LRRIQ1: variants seen among roughly 807,000 people sequenced by gnomAD.
LRRIQ1 encodes leucine-rich repeat- and IQ domain-containing protein 1.
In LRRIQ1, 210 loss-of-function variants were observed where a neutral mutation model predicts 211.9. That is an observed-to-expected ratio of 0.99 (90% CI 0.89 to 1.11). LRRIQ1 has a LOEUF of 1.11. Among genes scored for constraint, LRRIQ1 ranks in the 50% most tolerant of loss-of-function variants. The pLI is 0.00. For synonymous variants in LRRIQ1, 699 were observed against 650.1 expected (o/e 1.08, Z -1.14); for missense variants, 2,136 against 1,939.5 (o/e 1.10, Z -1.90).
intron 19 of LRRIQ1, among the ~76,000 whole-genome samples, chr12:85,141,247 A>G (rs956870229): frequency 6.6e-6 from 1 of 151,360 alleles, no homozygotes; most frequent in Non-Finnish European, 1.5e-5. Flanking sequence ...GTATATTGTT[A>G]TTAAAAATCT....
intron 18 of LRRIQ1, among the ~76,000 whole-genome samples, chr12:85,135,313 AG>A (rs1889046165): frequency 6.6e-6 from 1 of 150,676 alleles, no homozygotes. Flanking sequence ...GTTCTGATTC[AG>A]GTTTTTTTTT....
chr12:85,061,370 A>G (rs879458863), intron 8 of LRRIQ1, among the ~76,000 whole-genome samples: 1 of 151,746 alleles, frequency 6.6e-6, no homozygotes, highest in African/African-American at 2.4e-5. Flanking sequence ...GTAGGGGACT[A>G]TATTGCTATA....
chr12:85,110,053 C>T (rs773389247), intron 15 of LRRIQ1, among the ~76,000 whole-genome samples: 5 of 151,956 alleles, frequency 3.3e-5, no homozygotes, highest in African/African-American at 9.7e-5. Context: ...TGGTATAATA[C>T]GCATAATTTA....
intron 11 of LRRIQ1, among the ~76,000 whole-genome samples, chr12:85,091,654 T>C (rs1360423237): frequency 1.3e-5 from 2 of 152,154 alleles, no homozygotes; most frequent in African/African-American, 4.8e-5. Flanking sequence ...TTAGATCTAA[T>C]CCATCTTGAG....
chr12:85,064,234 T>C (rs573617340), intron 8 of LRRIQ1, among the ~76,000 whole-genome samples: 11 of 152,020 alleles, frequency 7.2e-5, no homozygotes, highest in African/African-American at 2.6e-4. Context: ...GGTGAGTTGA[T>C]ATCTCATTGT....
At chr12:85,128,257 T>C (rs1404752916) in intron 18 of LRRIQ1, among the ~76,000 whole-genome samples, 1 of 152,138 alleles carries the variant, frequency 6.6e-6, no homozygotes, top group Non-Finnish European at 1.5e-5. Flanking sequence ...AAATACAAAA[T>C]ACCATTGCAT....
intron 15 of LRRIQ1, among the ~76,000 whole-genome samples, chr12:85,109,156 T>A (rs979097494): frequency 6.6e-6 from 1 of 152,120 alleles, no homozygotes; most frequent in Non-Finnish European, 1.5e-5. Flanking sequence ...AATTCCCATA[T>A]CTGACTTAAT....
At chr12:85,192,514 A>G (rs1264992722) in intron 24 of LRRIQ1, among the ~76,000 whole-genome samples, 4 of 123,844 alleles carry the variant, frequency 3.2e-5, no homozygotes, top group East Asian at 4.5e-4. Context: ...ATAAATATAT[A>G]TAGTTATATA....
At chr12:85,263,073 C>A (rs533855793) in exon 2 of LRRIQ1, 2 of 987,892 alleles carry the variant, frequency 2.0e-6, no homozygotes, top group South Asian at 9.4e-5. Context: ...CTTAAGGCTT[C>A]AGCATTCAAA....
chr12:85,180,021 C>A (rs1891900120), intron 24 of LRRIQ1, among the ~76,000 whole-genome samples: 1 of 151,906 alleles, frequency 6.6e-6, no homozygotes, highest in Non-Finnish European at 1.5e-5. Context: ...TTAAAAAAAT[C>A]TTTGGATTCT....
At chr12:85,082,763 C>T (rs1884433043) in intron 11 of LRRIQ1, among the ~76,000 whole-genome samples, 1 of 152,136 alleles carries the variant, frequency 6.6e-6, no homozygotes, top group South Asian at 2.1e-4. Context: ...TACCATATTG[C>T]ATTGTGTATT....
intron 17 of LRRIQ1, among the ~76,000 whole-genome samples, chr12:85,127,394 C>G (rs1315188791): frequency 1.3e-5 from 2 of 152,176 alleles, no homozygotes; most frequent in Admixed American, 1.3e-4. Flanking sequence ...CTTCCTCTTA[C>G]AGTAAAGGAA....
At chr12:85,244,481 G>C (rs960173606) in intron 26 of LRRIQ1, among the ~76,000 whole-genome samples, 1 of 151,526 alleles carries the variant, frequency 6.6e-6, no homozygotes, top group African/African-American at 2.4e-5. Context: ...AATAAATAAT[G>C]TTAAGCTCTT....
At chr12:85,189,933 AATTAT>A (rs1461758203) in intron 24 of LRRIQ1, among the ~76,000 whole-genome samples, 3 of 143,282 alleles carry the variant, frequency 2.1e-5, no homozygotes, top group African/African-American at 5.0e-5. Flanking sequence ...TATAAATAAT[AATTAT>A]ATTATTGTAT....
intron 1 of LRRIQ1, among the ~76,000 whole-genome samples, chr12:85,261,584 C>T (rs1003418689): frequency 1.3e-5 from 2 of 151,142 alleles, no homozygotes; most frequent in East Asian, 3.9e-4. Flanking sequence ...TACTTAAGCA[C>T]GAAAGCATCA....
chr12:85,184,839 C>T (rs1025554159), intron 24 of LRRIQ1, among the ~76,000 whole-genome samples: 2 of 151,850 alleles, frequency 1.3e-5, no homozygotes, highest in Non-Finnish European at 2.9e-5. Context: ...GATACTTTTT[C>T]TCTTTGTACA....
At chr12:85,098,722 C>A in intron 12 of LRRIQ1, 145 bp from the exon 13 acceptor site, 2 of 683,466 alleles carry the variant, frequency 2.9e-6, no homozygotes, top group Non-Finnish European at 4.5e-6. Flanking sequence ...AAATTTTATT[C>A]ATATTTAAAA....
chr12:85,041,600 C>T (rs187177475), intron 3 of LRRIQ1, among the ~76,000 whole-genome samples: 149 of 151,650 alleles, frequency 9.8e-4, no homozygotes, highest in African/African-American at 3.4e-3. Flanking sequence ...GTTTGAATAA[C>T]AGCAAGTAAA....
downstream of LRRIQ1, among the ~76,000 whole-genome samples, chr12:85,267,716 C>A (rs1242742800): frequency 6.6e-6 from 1 of 152,016 alleles, no homozygotes; most frequent in Non-Finnish European, 1.5e-5. Flanking sequence ...CTTAGAATAA[C>A]TCAGTGTGAT....
Sources: allele counts gnomAD v4.1 joint callset (sites outside exome capture counted in the v4.1 genomes callset), GRCh38; gene constraint gnomAD v4.1.1; transcripts MANE v1.5; gene names NCBI Gene and HGNC (gene_info 2026-07-23, HGNC 2026-07-21).